Variants in KLF15 observed in about 807,000 individuals in gnomAD.
The protein encoded by KLF15 is Krueppel-like factor 15.
KLF15 carries 4 observed loss-of-function variants against 24.6 expected under a neutral mutation model. That is an observed-to-expected ratio of 0.16 (90% CI 0.08 to 0.37). The LOEUF (loss-of-function observed/expected upper bound fraction) is 0.37, where lower values mean the gene tolerates loss of function less well. Among genes scored for constraint, KLF15 ranks in the 10% least tolerant of loss-of-function variants. KLF15 has a pLI of 1.00. For synonymous variants in KLF15, 246 were observed against 236.3 expected (o/e 1.04, Z -0.37); for missense variants, 496 against 560.6 (o/e 0.88, Z 1.16).
the KLF15 span, among the ~76,000 whole-genome samples, chr3:126,313,381 C>T: frequency 6.6e-6 from 1 of 152,216 alleles, no homozygotes; most frequent in Non-Finnish European, 1.5e-5. Flanking sequence ...TCAGCTGACT[C>T]ATACAAGGGC....
At chr3:126,288,972 A>C in the KLF15 span, 23 of 152,382 alleles carry the variant, frequency 1.5e-4, no homozygotes, top group African/African-American at 5.5e-4. Flanking sequence ...CCTGAAGATG[A>C]TTTCGAAAAC....
downstream of KLF15, among the ~76,000 whole-genome samples, chr3:126,339,552 C>A (rs751052905): frequency 6.6e-6 from 1 of 152,154 alleles, no homozygotes; most frequent in African/African-American, 2.4e-5. Flanking sequence ...CATCTCTGTT[C>A]ATCACCAAAT....
the KLF15 span, among the ~76,000 whole-genome samples, chr3:126,316,944 G>T: frequency 1.3e-5 from 2 of 152,174 alleles, no homozygotes; most frequent in African/African-American, 4.8e-5. Flanking sequence ...AGGAGATGGA[G>T]ACCTTTGCAA....
chr3:126,352,675 T>A lies in KLF15; in HGVS notation c.248A>T (p.Gln83Leu). The A allele has an allele frequency of 6.3e-7, 1 of 1,597,642 alleles. No homozygotes were observed. The highest frequency in any genetic ancestry group is 8.5e-7 in the Non-Finnish European group (1 of 1,172,458). ...QDSILDFLLS[Q>L]ATLGSGGGSG... is the part of the protein sequence containing the mutation. ...GCCCCCGCCACTGCCCAGCGTGGCC[T>A]GGGACAATAGGAAGTCCAAGATGCT... Residue 83 changes from glutamine (Q) to leucine (L), a missense_variant, in exon 2 of 3, where the codon CAG (glutamine) becomes CTG (leucine). This residue lies in a region of KLF15 where 399 missense variants were observed against 423.1 expected (regional missense o/e 0.94). Coordinates refer to ENST00000296233, the MANE Select transcript of KLF15 (RefSeq NM_014079.4).
chr3:126,331,653 C>T, the KLF15 span, among the ~76,000 whole-genome samples: 4 of 152,304 alleles, frequency 2.6e-5, no homozygotes, highest in Admixed American at 6.5e-5. Context: ...GTCTACAGCT[C>T]CCAGCGTGAG....
At chr3:126,347,025 C>T (rs1221287850) in intron 2 of KLF15, among the ~76,000 whole-genome samples, 1 of 152,190 alleles carries the variant, frequency 6.6e-6, no homozygotes, top group Non-Finnish European at 1.5e-5. Flanking sequence ...GAGCTCTTAT[C>T]ACCTGCATGG....
the KLF15 span, among the ~76,000 whole-genome samples, chr3:126,310,205 A>C: frequency 6.6e-6 from 1 of 152,230 alleles, no homozygotes; most frequent in Non-Finnish European, 1.5e-5. Context: ...TCACCTCTTA[A>C]CACTGCACAT....
At chr3:126,303,938 T>A in the KLF15 span, among the ~76,000 whole-genome samples, 1 of 134,768 alleles carries the variant, frequency 7.4e-6, no homozygotes, top group African/African-American at 2.8e-5. Flanking sequence ...TTGTAGTTTT[T>A]ATCTGCAGAA....
the KLF15 span, among the ~76,000 whole-genome samples, chr3:126,335,286 T>C: frequency 6.8e-6 from 1 of 146,736 alleles, no homozygotes; most frequent in East Asian, 2.0e-4. Context: ...AATCAATAAA[T>C]GTAATCCAGC....
chr3:126,338,416 C>T (rs2082455142), downstream of KLF15, among the ~76,000 whole-genome samples: 1 of 152,208 alleles, frequency 6.6e-6, no homozygotes, highest in Admixed American at 6.5e-5. Flanking sequence ...AGGTGACGTT[C>T]GTGCATTTAA....
chr3:126,344,488 C>T (rs2082515412), intron 2 of KLF15, among the ~76,000 whole-genome samples: 1 of 152,208 alleles, frequency 6.6e-6, no homozygotes, highest in African/African-American at 2.4e-5. Flanking sequence ...CCAATGCTAC[C>T]AGGGACCAGG....
In KLF15 at chr3:126,343,656, AATT is replaced by A; in HGVS notation, c.*68_*70del. The A allele has an allele frequency of 6.7e-7, 1 of 1,483,110 alleles. No individual in the cohort carries two copies. Among genetic ancestry groups the A allele is most frequent in the East Asian group, 2.4e-5 (1 of 41,486 alleles). 91.9% of individuals were successfully genotyped at this position (1,483,110 alleles called of 1,614,324 possible). ...CATGTCCCTCTGGAGGAGGCAAATA[AATT>A]ATTGCTTAAAAAAATGGGGATGGGG... On this transcript the variant is annotated 3_prime_UTR_variant, in exon 3 of 3. Transcript: ENST00000296233.
At chr3:126,349,739 G>A (rs571652773) in intron 2 of KLF15, among the ~76,000 whole-genome samples, 87 of 152,280 alleles carry the variant, frequency 5.7e-4, no homozygotes, top group African/African-American at 2.1e-3. Flanking sequence ...AGGAGACGGC[G>A]CTGAAACCTG....
chr3:126,325,113 T>C, the KLF15 span, among the ~76,000 whole-genome samples: 13 of 44,446 alleles, frequency 2.9e-4, no homozygotes, highest in African/African-American at 1.2e-3. Flanking sequence ...TCCAATTTCA[T>C]CCATGTCCCT....
At position 126,357,401 on chromosome 3, in the gene KLF15, G is replaced by A. The variant is rs2082642935; in HGVS notation, c.-190C>T. Reference sequence around the variant, plus strand: ...CCGCCGGCCCGCGGGTCGCTGCGGCGGAGCACTAGCCCGCCCGCAGCTCGC... The same window carrying A: ...CCGCCGGCCCGCGGGTCGCTGCGGCAGAGCACTAGCCCGCCCGCAGCTCGC... On this transcript the variant is annotated 5_prime_UTR_variant, in exon 1 of 3. Transcript: ENST00000296233. 1 of 147,228 alleles carries A rather than the reference G, an allele frequency of 6.8e-6. No individual in the cohort carries two copies. Among genetic ancestry groups the A allele is most frequent in the African/African-American group, 2.4e-5 (1 of 40,884 alleles). The allele number at this position is 147,228 out of a possible 1,614,324, so 9.1% of individuals were successfully genotyped here. A position where few individuals can be genotyped will look rare whatever the true frequency, so the allele number is the denominator to read the frequency against.
chr3:126,331,494 C>A, the KLF15 span, among the ~76,000 whole-genome samples: 2 of 152,164 alleles, frequency 1.3e-5, no homozygotes, highest in Non-Finnish European at 2.9e-5. Flanking sequence ...TTCAACTGAG[C>A]CCTGCAACCC....
chr3:126,292,916 TGGA>T, the KLF15 span, among the ~76,000 whole-genome samples: 15 of 151,704 alleles, frequency 9.9e-5, no homozygotes, highest in Admixed American at 9.2e-4. Flanking sequence ...GTCTGCCTGG[TGGA>T]GAAGAGACGA....
chr3:126,323,491 T>TATATATTTTATATATATATATAAC, the KLF15 span, among the ~76,000 whole-genome samples: 1 of 23,236 alleles, frequency 4.3e-5, no homozygotes, highest in Admixed American at 4.8e-4. Context: ...ATATATAACA[T>TATATATTTTATATATATATATAAC]ATATATATAT....
At chr3:126,296,217 G>C in the KLF15 span, among the ~76,000 whole-genome samples, 1 of 152,116 alleles carries the variant, frequency 6.6e-6, no homozygotes, top group Non-Finnish European at 1.5e-5. Context: ...TTTAATGTGT[G>C]CTAAATTTAT....
Sources: allele counts gnomAD v4.1 joint callset (sites outside exome capture counted in the v4.1 genomes callset), GRCh38; gene constraint gnomAD v4.1.1; regional missense constraint gnomAD v4.1.1; transcripts MANE v1.5; gene names NCBI Gene and HGNC (gene_info 2026-07-23, HGNC 2026-07-21).